Variants in ANKIB1 observed in about 807,000 individuals in gnomAD.
ANKIB1 encodes ankyrin repeat and IBR domain containing 1, also known as ankyrin repeat and IBR domain-containing protein 1.
ANKIB1 carries 43 observed loss-of-function variants against 122.1 expected under a neutral mutation model. That is an observed-to-expected ratio of 0.35 (90% CI 0.28 to 0.45). The LOEUF (loss-of-function observed/expected upper bound fraction) is 0.45. ANKIB1 is among the 20% of genes least tolerant of loss of function. The pLI, the probability that ANKIB1 is intolerant of heterozygous loss-of-function variation, is 1.00. For missense variants in ANKIB1, 992 were observed against 1,329.5 expected, an observed-to-expected ratio of 0.75 and a Z score of 3.95; for synonymous variants, 390 against 442.0, an observed-to-expected ratio of 0.88 and a Z score of 1.48.
intron 11 of ANKIB1, among the ~76,000 whole-genome samples, chr7:92,378,474 A>C (rs1804436732): frequency 7.2e-6 from 1 of 138,642 alleles, no homozygotes; most frequent in Non-Finnish European, 1.5e-5. Context: ...CTGAAAAGCT[A>C]TTTGACAAAA....
chr7:92,302,835 T>C (rs1345430006), intron 2 of ANKIB1, among the ~76,000 whole-genome samples: 5 of 152,190 alleles, frequency 3.3e-5, no homozygotes, highest in African/African-American at 1.2e-4. Flanking sequence ...ACCCCCCTTA[T>C]CTTGCATGCA....
At chr7:92,281,032 G>T (rs898964739) in intron 1 of ANKIB1, among the ~76,000 whole-genome samples, 1 of 152,130 alleles carries the variant, frequency 6.6e-6, no homozygotes, top group Admixed American at 6.5e-5. Context: ...TACAGGAAAA[G>T]GATTCGAAGC....
intron 8 of ANKIB1, 108 bp from the exon 9 acceptor site, chr7:92,352,368 C>A: frequency 8.5e-7 from 1 of 1,175,170 alleles, no homozygotes; most frequent in Non-Finnish European, 1.2e-6. Flanking sequence ...TTTTATTTCA[C>A]TCTTTTTCTT....
intron 1 of ANKIB1, among the ~76,000 whole-genome samples, chr7:92,285,977 C>A (rs2131907934): frequency 6.6e-6 from 1 of 152,310 alleles, no homozygotes; most frequent in East Asian, 1.9e-4. Context: ...TTTATCCTGT[C>A]ACCTATAGGA....
chr7:92,260,997 C>CT (rs1585075776), intron 1 of ANKIB1, among the ~76,000 whole-genome samples: 1 of 151,994 alleles, frequency 6.6e-6, no homozygotes, highest in Non-Finnish European at 1.5e-5. Context: ...AACATTTACT[C>CT]TGCTTTCCTT....
chr7:92,362,437 A>C (rs1480311518), intron 10 of ANKIB1, among the ~76,000 whole-genome samples, 164 bp downstream of exon 10: 2 of 152,088 alleles, frequency 1.3e-5, no homozygotes, highest in East Asian at 3.9e-4. Context: ...CCTTTTGGAG[A>C]TAATAGAGTT....
chr7:92,302,461 G>A (rs572219916), intron 2 of ANKIB1, among the ~76,000 whole-genome samples: 1 of 152,198 alleles, frequency 6.6e-6, no homozygotes, highest in Non-Finnish European at 1.5e-5. Context: ...GAACCCACAT[G>A]CTATGTGGTT....
At chr7:92,291,766 C>T (rs1300046741) in intron 1 of ANKIB1, among the ~76,000 whole-genome samples, 1 of 151,830 alleles carries the variant, frequency 6.6e-6, no homozygotes, top group Non-Finnish European at 1.5e-5. Context: ...TTAGTAGAGA[C>T]GGGGTTTCAC....
intron 17 of ANKIB1, among the ~76,000 whole-genome samples, chr7:92,393,863 CA>C (rs1435655034): frequency 6.6e-6 from 1 of 151,958 alleles, no homozygotes; most frequent in African/African-American, 2.4e-5. Flanking sequence ...GAGTAACTGC[CA>C]AAGTTATATT....
Position 92,343,058 on chromosome 7 carries a change from G to A in ANKIB1, c.822G>A (p.Met274Ile). 6.2e-7 allele frequency: 1 copy of A among 1,613,892 alleles called. No homozygotes were observed. Among genetic ancestry groups the A allele is most frequent in the South Asian group, 1.1e-5 (1 of 91,068 alleles). ...WDREKLLEAW[M>I]SNPENCCQRS... ...GGGAGAAATTACTTGAAGCTTGGAT[G>A]TCCAACCCGGAGAACTGCTGCCAAC... The change falls in exon 6 of 20, where the codon ATG (methionine) becomes ATA (isoleucine). Residue 274 changes from methionine to isoleucine, a missense_variant. Met to Ile is a conservative substitution (Grantham distance 10). Around this residue, in one of 4 missense-constraint regions of ANKIB1, gnomAD observed 521 missense variants for 777.7 expected, o/e 0.67. Transcript: ENST00000265742.
intron 10 of ANKIB1, among the ~76,000 whole-genome samples, chr7:92,371,031 G>A (rs569209564): frequency 6.6e-6 from 1 of 152,156 alleles, no homozygotes; most frequent in East Asian, 1.9e-4. Context: ...AAAAGATGTT[G>A]ATATTTTTTG....
rs183375236 is a variant in ANKIB1, at chr7:92,368,156, T to A, written c.1487-3321T>A. Among the ~76,000 whole-genome samples, 14 of 151,994 alleles carry A rather than the reference T, an allele frequency of 9.2e-5. No homozygotes were observed. In the East Asian group the frequency reaches 2.5e-3, roughly 27 times the overall value. On this transcript the variant is annotated intron_variant, in intron 10 of 19. Transcript: ENST00000265742. Reference sequence around the variant, plus strand: ...GGATAATAGAGTGAATCTCTATTTCTAAAAAAAATTAAAAATAAAAATTCA... The same window carrying A: ...GGATAATAGAGTGAATCTCTATTTCAAAAAAAAATTAAAAATAAAAATTCA...
chr7:92,281,737 C>CT (rs1369874470), intron 1 of ANKIB1, among the ~76,000 whole-genome samples: 1 of 152,160 alleles, frequency 6.6e-6, no homozygotes, highest in Non-Finnish European at 1.5e-5. Context: ...GACTCAATGA[C>CT]TTTGAAACAG....
intron 9 of ANKIB1, among the ~76,000 whole-genome samples, chr7:92,356,024 G>A (rs1383655498): frequency 6.6e-6 from 1 of 152,070 alleles, no homozygotes; most frequent in African/African-American, 2.4e-5. Context: ...ACAGTATCAG[G>A]TTTCTAGTCC....
intron 5 of ANKIB1, among the ~76,000 whole-genome samples, chr7:92,336,627 GCT>G (rs2131967552): frequency 6.6e-6 from 1 of 152,072 alleles, no homozygotes; most frequent in Admixed American, 6.5e-5. Context: ...GCTTCCTGTG[GCT>G]CTCTCCTTTC....
intron 1 of ANKIB1, among the ~76,000 whole-genome samples, chr7:92,275,893 G>A (rs752019039): frequency 1.3e-5 from 2 of 152,046 alleles, no homozygotes; most frequent in Non-Finnish European, 2.9e-5. Context: ...TTGTGTACCT[G>A]TTATAGGAGT....
chr7:92,271,527 T>G (rs768958256), intron 1 of ANKIB1, among the ~76,000 whole-genome samples: 2 of 152,226 alleles, frequency 1.3e-5, no homozygotes, highest in Non-Finnish European at 2.9e-5. Context: ...GCATCAAGTC[T>G]GTAGATCAGT....
chr7:92,398,797 A>G lies in ANKIB1; in HGVS notation c.3118A>G (p.Asn1040Asp). Residue 1040 changes from asparagine to aspartate, a missense_variant, in exon 20 of 20, where the codon AAT becomes GAT. Asn to Asp is a conservative substitution (Grantham distance 23). This residue lies in a region of ANKIB1 where 384 missense variants were observed against 412.0 expected (regional missense o/e 0.93). Coordinates refer to ENST00000265742, the MANE Select transcript of ANKIB1 (RefSeq NM_019004.2). ...AGGTAGAGGAACCCAGATAGAAGAA[A>G]ATCCTTTGGAAGAAAATATTCTGGC... ...SEGRGTQIEENPLEENILAGE... is the reference protein window; with the variant it reads ...SEGRGTQIEEDPLEENILAGE... The G allele has an allele frequency of 4.3e-6, 7 of 1,610,272 alleles. No homozygotes were observed. The highest frequency in any genetic ancestry group is 5.1e-6 in the Non-Finnish European group (6 of 1,178,146).
chr7:92,396,106 G>T, intron 17 of ANKIB1: 1 of 443,068 alleles, frequency 2.3e-6, no homozygotes, highest in Non-Finnish European at 4.0e-6. Context: ...ATAAAATAGG[G>T]CTGTTCTAAT....
Sources: gnomAD v4.1 joint callset for allele counts (sites outside exome capture counted in the v4.1 genomes callset) on GRCh38, gnomAD v4.1.1 for gene constraint, gnomAD v4.1.1 regional missense constraint, MANE v1.5 for transcripts, NCBI Gene and HGNC (gene_info 2026-07-23, HGNC 2026-07-21) for gene names.